Variants in HDAC6 observed in about 807,000 individuals in gnomAD.
HDAC6 encodes the protein histone deacetylase 6.
HDAC6 carries 5 observed loss-of-function variants against 88.9 expected under a neutral mutation model. The observed-to-expected ratio is 0.06, with a 90% CI of 0.03 to 0.12. The LOEUF (loss-of-function observed/expected upper bound fraction) is 0.12. Among genes scored for constraint, HDAC6 ranks in the 10% least tolerant of loss-of-function variants. The probability of loss-of-function intolerance (pLI) is 1.00; values close to 1 mark genes in which losing one functional copy is unlikely to be tolerated. For synonymous variants in HDAC6, 378 were observed against 398.0 expected, an observed-to-expected ratio of 0.95 and a Z score of 0.60; for missense variants, 706 against 1,014.4, an observed-to-expected ratio of 0.70 and a Z score of 4.13.
At chrX:48,804,681 C>G (rs782588392) in intron 4 of HDAC6, among the ~76,000 whole-genome samples, 59 of 112,113 alleles carry the variant, frequency 5.3e-4, no homozygotes, top group Non-Finnish European at 9.4e-4. Context: ...AAGCCTGTGT[C>G]TTCAGGGTAA....
intron 20 of HDAC6, 140 bp downstream of exon 20, chrX:48,817,599 C>A: frequency 1.8e-6 from 1 of 554,921 alleles, no homozygotes; most frequent in Non-Finnish European, 2.8e-6. Context: ...GCAGTCCTTA[C>A]CCAGAGAAGG....
chrX:48,823,084 G>C lies in HDAC6; in HGVS notation c.2685G>C (p.Gln895His), dbSNP rs782423190. 1 of 1,209,540 alleles carries C rather than the reference G, an allele frequency of 8.3e-7. No individual in the cohort carries two copies. Among genetic ancestry groups the C allele is most frequent in the South Asian group, 1.8e-5 (1 of 56,615 alleles). ...ASFGEESTPG[Q>H]TNSETAVVAL... is the part of the protein sequence containing the mutation. The stretch of plus-strand genomic sequence containing the variant: ...TTGGGGAAGAGTCCACTCCAGGCCA[G>C]ACTAACTCAGAGACAGCTGTGGTGG... Residue 895 changes from glutamine (Q) to histidine (H), a missense_variant, in exon 25 of 29, where the codon CAG becomes CAC. Transcript: ENST00000334136.
intron 23 of HDAC6, among the ~76,000 whole-genome samples, chrX:48,822,242 C>T (rs781996775): frequency 7.2e-5 from 8 of 111,390 alleles, no homozygotes; most frequent in African/African-American, 9.8e-5. Context: ...AGTGTGAAGA[C>T]GGATTTCTGT....
chrX:48,805,471 C>T lies in HDAC6; in HGVS notation c.345C>T (p.Ile115=), dbSNP rs2062800828. 4 of 1,208,544 alleles carry T rather than the reference C, an allele frequency of 3.3e-6. No homozygotes were observed. Among genetic ancestry groups the T allele is most frequent in the Admixed American group, 2.2e-5 (1 of 45,738 alleles). ...FPEGPERLHA[I]KEQLIQEGLL... is the part of the protein sequence containing the mutation. The stretch of plus-strand genomic sequence containing the variant: ...AAGGCCCTGAGCGGCTCCATGCCAT[C>T]AAGGAGCAACTGATCCAGGAGGGCC... Residue 115 remains isoleucine (I), a synonymous_variant, in exon 5 of 29, where the codon ATC becomes ATT. Transcript: ENST00000334136.
chrX:48,807,279 CTA>C (rs1366936191), intron 8 of HDAC6, among the ~76,000 whole-genome samples: 1 of 112,267 alleles, frequency 8.9e-6, no homozygotes, highest in Admixed American at 9.4e-5. Flanking sequence ...TAAATGCACT[CTA>C]TGTTAATCAG....
Position 48,824,155 on chromosome X carries a change from C to G in HDAC6, c.3451-11C>G. 1.7e-6 allele frequency: 2 copies of G among 1,208,519 alleles called. No individual in the cohort carries two copies. The highest frequency in any genetic ancestry group is 2.2e-6 in the Non-Finnish European group (2 of 893,635). ...CTGACCCCCACCTGACACTCACACC[C>G]CCAACCTCAGGTCTACTGTGGTCGT... On this transcript the variant is annotated splice_polypyrimidine_tract_variant and intron_variant, in intron 27 of 28. Coordinates refer to ENST00000334136, the MANE Select transcript of HDAC6 (RefSeq NM_006044.4).
chrX:48,815,389 C>T lies in HDAC6; in HGVS notation c.1155C>T (p.Gly385=), dbSNP rs781953295. The T allele has an allele frequency of 8.4e-7, 1 of 1,195,613 alleles. No individual in the cohort carries two copies. The highest frequency in any genetic ancestry group is 1.8e-5 in the South Asian group (1 of 55,122). Residue 385 remains glycine (G), a synonymous_variant, in exon 15 of 29, where the codon GGC becomes GGT. Transcript: ENST00000334136. ...TTCACAACTCCTTGCCCCAGGGTGGCTACAACCTCCGCGCCCTGGCTGAAG... is the reference window on the plus strand; with the variant it reads ...TTCACAACTCCTTGCCCCAGGGTGGTTACAACCTCCGCGCCCTGGCTGAAG... The part of the protein sequence containing the change: ...GGKLILSLEG[G]YNLRALAEGV...
rs1346728476 is a variant in HDAC6, at chrX:48,823,548, T to C, written c.3149T>C (p.Ile1050Thr). ...CCCCAGATATCTCCCAGTACACTGA[T>C]TGGGAGTCTCAGGACCTTGGAGCTA... ...TTPQISPSTL[I>T]GSLRTLELGS... Residue 1050 changes from isoleucine to threonine, a missense_variant, in exon 25 of 29, where the codon ATT (isoleucine) becomes ACT (threonine). Physicochemically the swap from Ile to Thr is moderately conservative, Grantham distance 89. Around this residue, in one of 9 missense-constraint regions of HDAC6, gnomAD observed 112 missense variants for 95.1 expected, o/e 1.18. Transcript: ENST00000334136. 1.7e-6 allele frequency: 2 copies of C among 1,209,344 alleles called. No individual in the cohort carries two copies. Among genetic ancestry groups the C allele is most frequent in the Middle Eastern group, 2.3e-4 (1 of 4,353 alleles).
intron 9 of HDAC6, 49 bp downstream of exon 9, chrX:48,808,186 C>T: frequency 8.7e-7 from 1 of 1,149,750 alleles, no homozygotes; most frequent in Non-Finnish European, 1.2e-6. Context: ...GGTGGGGTGT[C>T]CTGGTCTGGG....
At chrX:48,815,247 A>G (rs899432573) in intron 14 of HDAC6, 137 bp from the exon 15 acceptor site, 1 of 555,376 alleles carries the variant, frequency 1.8e-6, no homozygotes, top group Non-Finnish European at 3.1e-6. Flanking sequence ...ATCATTGTCC[A>G]GTGAATTCAG....
rs1557026916 is a variant in HDAC6, at chrX:48,814,814, G to A, written c.1000-20G>A. ...AGGCTGTGAGGGTAGGTAGCCTCAT[G>A]GAGTCTGTTCCCCCTTCAGTTCCAG... On this transcript the variant is annotated intron_variant, in intron 12 of 28. Transcript: ENST00000334136. The A allele has an allele frequency of 4.1e-6, 5 of 1,210,648 alleles. No homozygotes were observed. Among genetic ancestry groups the A allele is most frequent in the Middle Eastern group, 2.3e-4 (1 of 4,348 alleles).
At position 48,823,085 on chromosome X, in the gene HDAC6, A is replaced by T; in HGVS notation, c.2686A>T (p.Thr896Ser). The T allele has an allele frequency of 8.3e-7, 1 of 1,211,593 alleles. No individual in the cohort carries two copies. The highest frequency in any genetic ancestry group is 1.1e-6 in the Non-Finnish European group (1 of 895,380). ...SFGEESTPGQ[T>S]NSETAVVALT... ...TGGGGAAGAGTCCACTCCAGGCCAGACTAACTCAGAGACAGCTGTGGTGGC... is the reference window on the plus strand; with the variant it reads ...TGGGGAAGAGTCCACTCCAGGCCAGTCTAACTCAGAGACAGCTGTGGTGGC... Residue 896 changes from threonine (T) to serine (S), a missense_variant, in exon 25 of 29, where the codon ACT (threonine) becomes TCT (serine). Thr to Ser is a moderately conservative substitution (Grantham distance 58, BLOSUM62 1). Coordinates refer to ENST00000334136, the MANE Select transcript of HDAC6 (RefSeq NM_006044.4).
chrX:48,812,544 T>C (rs2062918068), intron 10 of HDAC6, among the ~76,000 whole-genome samples: 1 of 112,450 alleles, frequency 8.9e-6, no homozygotes, highest in Non-Finnish European at 1.9e-5. Context: ...CCCCTTATCC[T>C]GCTCAGCATG....
intron 19 of HDAC6, 32 bp from the exon 20 acceptor site, chrX:48,817,294 C>T: frequency 4.4e-6 from 5 of 1,137,931 alleles, no homozygotes; most frequent in Admixed American, 2.7e-5. Context: ...TGAGGGCAGG[C>T]TGTCCGATCT....
rs782255932 is a variant in HDAC6 at position 48,818,209 on chromosome X, C to G, written c.1995-11C>G. 2 of 1,179,107 alleles carry G rather than the reference C, an allele frequency of 1.7e-6. No homozygotes were observed. The highest frequency in any genetic ancestry group is 3.7e-5 in the South Asian group (2 of 53,522). On this transcript the variant is annotated splice_polypyrimidine_tract_variant and intron_variant, in intron 21 of 28. Transcript: ENST00000334136. The stretch of plus-strand genomic sequence containing the variant: ...CCAGCCATGGTCCGCTTCCCACCCC[C>G]TCCCTGGCAGTGTGCTATATGTGTC...
Position 48,818,401 on chromosome X carries a change from A to G in HDAC6, c.2176A>G (p.Ile726Val), listed in dbSNP as rs200220866. The change falls in exon 22 of 29, where the codon ATT (isoleucine) becomes GTT (valine). Residue 726 changes from isoleucine (I) to valine (V), a missense_variant. Physicochemically the swap from Ile to Val is conservative, Grantham distance 29. Coordinates refer to ENST00000334136, the MANE Select transcript of HDAC6 (RefSeq NM_006044.4). ...TGCCTGGCATCGCCTGGTGCTTCCCATTGCCTACGAGGTACAGCTCAGGAT... is the reference window on the plus strand; with the variant it reads ...TGCCTGGCATCGCCTGGTGCTTCCCGTTGCCTACGAGGTACAGCTCAGGAT... ...LAAWHRLVLP[I>V]AYEFNPELVL... 3.4e-6 allele frequency: 4 copies of G among 1,174,120 alleles called. No individual in the cohort carries two copies. Among genetic ancestry groups the G allele is most frequent in the East Asian group, 6.0e-5 (2 of 33,482 alleles).
At chrX:48,817,949 C>A in intron 20 of HDAC6, 92 bp from the exon 21 acceptor site, 1 of 813,306 alleles carries the variant, frequency 1.2e-6, no homozygotes, top group Non-Finnish European at 1.8e-6. Flanking sequence ...TGCCACTCAG[C>A]ACTAAATGCC....
intron 9 of HDAC6, 21 bp from the exon 10 acceptor site, chrX:48,808,237 C>T (rs781810220): frequency 3.3e-5 from 39 of 1,189,635 alleles, no homozygotes; most frequent in Non-Finnish European, 4.1e-5. Context: ...GCACAGAGTC[C>T]CCTCTCTCTG....
intron 10 of HDAC6, among the ~76,000 whole-genome samples, chrX:48,809,590 C>T: frequency 9.1e-6 from 1 of 110,379 alleles, no homozygotes; most frequent in Non-Finnish European, 1.9e-5. Flanking sequence ...CACCTGAGGT[C>T]AGGAGTTCAA....
Sources: allele counts gnomAD v4.1 joint callset (sites outside exome capture counted in the v4.1 genomes callset), GRCh38; gene constraint gnomAD v4.1.1; regional missense constraint gnomAD v4.1.1; transcripts MANE v1.5; gene names NCBI Gene and HGNC (gene_info 2026-07-23, HGNC 2026-07-21).